Variants in SBF2 observed in about 807,000 individuals in gnomAD.
The protein encoded by SBF2 is myotubularin-related protein 13.
Under a neutral mutation model 225.2 loss-of-function variants are expected in SBF2, and 112 were observed. The ratio of observed to expected loss-of-function variants is 0.50; its 90% CI spans 0.43 to 0.58. The LOEUF (loss-of-function observed/expected upper bound fraction) is 0.58. SBF2 is among the 20% of genes least tolerant of loss of function. The probability of loss-of-function intolerance (pLI) is 0.00; values close to 1 mark genes in which losing one functional copy is unlikely to be tolerated. For synonymous variants in SBF2, 763 were observed against 773.3 expected, an observed-to-expected ratio of 0.99 and a Z score of 0.22; for missense variants, 1,996 against 2,206.2, an observed-to-expected ratio of 0.90 and a Z score of 1.91.
chr11:10,138,067 T>C (rs1445560246), intron 2 of SBF2, among the ~76,000 whole-genome samples: 1 of 152,238 alleles, frequency 6.6e-6, no homozygotes, highest in East Asian at 1.9e-4. Flanking sequence ...AGAATGAATG[T>C]TAATCAGTCT....
rs77182089 is a variant in SBF2, at chr11:9,968,840, A to G, written c.1396-295T>C. On this transcript the variant is annotated intron_variant, in intron 13 of 39. Coordinates refer to ENST00000256190, the MANE Select transcript of SBF2 (RefSeq NM_030962.4). ...TCTCCCTAATCCCTTAACAATGTGA[A>G]TATCTCAGGGCTCAGTCCTTGGGTC... Among the ~76,000 whole-genome samples, 5,175 of 152,184 alleles carry G rather than the reference A, an allele frequency of 0.034. 317 individuals are homozygous for G. Among genetic ancestry groups the G allele is most frequent in the East Asian group, 0.18 (928 of 5,176 alleles).
chr11:10,119,040 T>C (rs193010402), intron 2 of SBF2, among the ~76,000 whole-genome samples: 142 of 152,152 alleles, frequency 9.3e-4, no homozygotes, highest in African/African-American at 2.8e-3. Flanking sequence ...ATCCTGCCAG[T>C]AGATATTTTG....
rs114666873 is a variant in SBF2 at position 10,216,017 on chromosome 11, C to G, written c.56-22030G>C. ...TGGACATTCTCCTCTTTAATCTTAC[C>G]TCCATTTCTCCCATTACCAGGTTAA... On this transcript the variant is annotated intron_variant, in intron 1 of 39. Transcript: ENST00000256190. Among the ~76,000 whole-genome samples, 692 of 152,288 alleles carry G rather than the reference C, an allele frequency of 4.5e-3. 4 individuals carry two copies. The highest frequency in any genetic ancestry group is 0.016 in the African/African-American group (656 of 41,544).
intron 28 of SBF2, among the ~76,000 whole-genome samples, chr11:9,818,139 T>G (rs1854558134): frequency 6.6e-6 from 1 of 151,980 alleles, no homozygotes; most frequent in South Asian, 2.1e-4. Flanking sequence ...GAGACGGGGT[T>G]TCTTCATGTT....
At chr11:9,850,873 C>G (rs987502615) in intron 21 of SBF2, among the ~76,000 whole-genome samples, 1 of 152,108 alleles carries the variant, frequency 6.6e-6, no homozygotes. Flanking sequence ...CAGTGGCTCA[C>G]GCCTGTAATC....
intron 13 of SBF2, among the ~76,000 whole-genome samples, chr11:9,989,052 A>ATATATATG (rs1347138364): frequency 5.3e-5 from 8 of 151,540 alleles, no homozygotes; most frequent in African/African-American, 1.9e-4. Context: ...ATATATATAT[A>ATATATATG]TATACATATG....
chr11:9,864,924 T>C (rs1858064875), intron 17 of SBF2, among the ~76,000 whole-genome samples: 1 of 152,110 alleles, frequency 6.6e-6, no homozygotes, highest in Admixed American at 6.5e-5. Flanking sequence ...TTTATTTTTT[T>C]TTTTGAGACA....
At chr11:9,939,908 T>C (rs72855629) in intron 16 of SBF2, among the ~76,000 whole-genome samples, 1 of 152,330 alleles carries the variant, frequency 6.6e-6, no homozygotes, top group Non-Finnish European at 1.5e-5. Context: ...CTAGGTGCTA[T>C]GTGGAAATGT....
chr11:9,882,573 C>CTGA (rs1859871789), intron 17 of SBF2, among the ~76,000 whole-genome samples: 1 of 152,032 alleles, frequency 6.6e-6, no homozygotes, highest in African/African-American at 2.4e-5. Context: ...CTTTGGGAGG[C>CTGA]CAAGGCGGGC....
intron 1 of SBF2, among the ~76,000 whole-genome samples, chr11:10,231,358 C>A (rs532078902): frequency 2.0e-5 from 3 of 152,190 alleles, no homozygotes; most frequent in Non-Finnish European, 2.9e-5. Context: ...TGAGGAGCTG[C>A]GTTCCTTTGG....
Position 10,009,970 on chromosome 11 carries a change from T to G in SBF2, c.620-7281A>C, listed in dbSNP as rs1948372664. Among the ~76,000 whole-genome samples the G allele has an allele frequency of 2.6e-5, 4 of 152,230 alleles. No individual in the cohort carries two copies. In the South Asian group the frequency reaches 6.2e-4, roughly 24 times the overall value. On this transcript the variant is annotated intron_variant, in intron 6 of 39. Transcript: ENST00000256190. ...TAGCTGGCATGACATGGTATCTCAT[T>G]GTGGTTTTGATTTGCGTTTCTCTGA...
At chr11:10,129,391 C>G (rs1164073177) in intron 2 of SBF2, among the ~76,000 whole-genome samples, 1 of 152,134 alleles carries the variant, frequency 6.6e-6, no homozygotes, top group Non-Finnish European at 1.5e-5. Context: ...GCATGAGCCA[C>G]CGCGCCCGGC....
intron 2 of SBF2, among the ~76,000 whole-genome samples, chr11:10,153,758 T>C (rs1027659022): frequency 6.6e-6 from 1 of 152,122 alleles, no homozygotes; most frequent in African/African-American, 2.4e-5. Context: ...ACAAAATTTA[T>C]AGATTGATCA....
At chr11:10,197,950 T>C (rs76129517) in intron 1 of SBF2, among the ~76,000 whole-genome samples, 14,470 of 152,234 alleles carry the variant, frequency 0.095, 943 homozygotes, top group East Asian at 0.28. Context: ...ACACTAGTTA[T>C]TTTGCTATTT....
intron 1 of SBF2, among the ~76,000 whole-genome samples, chr11:10,283,933 T>C (rs1262117985): frequency 6.6e-6 from 1 of 152,106 alleles, no homozygotes; most frequent in African/African-American, 2.4e-5. Context: ...AATAGTAAAG[T>C]GACTAAGTTA....
chr11:9,805,121 C>T (rs1590123410), intron 32 of SBF2, among the ~76,000 whole-genome samples: 1 of 151,942 alleles, frequency 6.6e-6, no homozygotes, highest in South Asian at 2.1e-4. Context: ...TGGTGTGCAC[C>T]TATGGTCCCA....
chr11:10,210,153 C>T (rs759933369), intron 1 of SBF2, among the ~76,000 whole-genome samples: 1 of 152,020 alleles, frequency 6.6e-6, no homozygotes, highest in Admixed American at 6.6e-5. Flanking sequence ...AAAAAGAACA[C>T]AAAAATTAGC....
At chr11:10,241,347 G>C (rs1323534810) in intron 1 of SBF2, among the ~76,000 whole-genome samples, 1 of 151,650 alleles carries the variant, frequency 6.6e-6, no homozygotes, top group Non-Finnish European at 1.5e-5. Context: ...GAGCGAGACT[G>C]TCTCAAAAAA....
At chr11:9,891,437 T>A (rs1410852878) in intron 17 of SBF2, among the ~76,000 whole-genome samples, 2 of 152,210 alleles carry the variant, frequency 1.3e-5, no homozygotes, top group Non-Finnish European at 2.9e-5. Context: ...TTTGAAACGA[T>A]TCCTCTACTG....
Sources: gnomAD v4.1 joint callset for allele counts (sites outside exome capture counted in the v4.1 genomes callset) on GRCh38, gnomAD v4.1.1 for gene constraint, MANE v1.5 for transcripts, NCBI Gene and HGNC (gene_info 2026-07-23, HGNC 2026-07-21) for gene names.